THEMIS: variants seen among roughly 807,000 people sequenced by gnomAD.
THEMIS encodes the protein protein THEMIS.
Under a neutral mutation model 52.6 loss-of-function variants are expected in THEMIS, and 37 were observed. That is an observed-to-expected ratio of 0.70 (90% CI 0.54 to 0.93). The LOEUF (loss-of-function observed/expected upper bound fraction) is 0.93, where lower values mean the gene tolerates loss of function less well. Among genes scored for constraint, THEMIS ranks in the 40% least tolerant of loss-of-function variants. The pLI, the probability that THEMIS is intolerant of heterozygous loss-of-function variation, is 0.00. For missense variants in THEMIS, 808 were observed against 763.1 expected, an observed-to-expected ratio of 1.06 and a Z score of -0.69; for synonymous variants, 292 against 272.7, an observed-to-expected ratio of 1.07 and a Z score of -0.70.
At chr6:127,811,124 TTGAC>T (rs552930979) in intron 4 of THEMIS, among the ~76,000 whole-genome samples, 1 of 152,204 alleles carries the variant, frequency 6.6e-6, no homozygotes, top group Non-Finnish European at 1.5e-5. Context: ...GCATATAGAT[TTGAC>T]TGTCTATGGT....
chr6:127,897,862 G>A (rs752183350), intron 1 of THEMIS, among the ~76,000 whole-genome samples: 1 of 151,524 alleles, frequency 6.6e-6, no homozygotes, highest in Non-Finnish European at 1.5e-5. Flanking sequence ...GAAACTCCAA[G>A]CCAGAAATAA....
rs994944960 is a variant in THEMIS, at chr6:127,900,779, A to G, written c.91+63T>C. 7 of 1,453,372 alleles carry G rather than the reference A, an allele frequency of 4.8e-6. No individual in the cohort carries two copies. In the African/African-American group the frequency reaches 9.9e-5, roughly 20 times the overall value. The allele number at this position is 1,453,372 out of a possible 1,614,324, so 90.0% of individuals were successfully genotyped here. A position where few individuals can be genotyped will look rare whatever the true frequency, so the allele number is the denominator to read the frequency against. ...TTGCTGTTAAAATTCCCCCCCTCCA[A>G]TTTTCAAAAATGTATACTTTACAAG... On this transcript the variant is annotated intron_variant, in intron 1 of 5. Transcript: ENST00000368248.
intron 3 of THEMIS, among the ~76,000 whole-genome samples, chr6:127,820,047 G>A (rs1441363886): frequency 6.6e-6 from 1 of 152,064 alleles, no homozygotes; most frequent in Non-Finnish European, 1.5e-5. Context: ...TTCTTATAAG[G>A]TAACTGCAGT....
At chr6:127,832,777 C>CTTTTTTGTTTTTTTTTTTT (rs1778740409) in intron 2 of THEMIS, among the ~76,000 whole-genome samples, 1 of 57,796 alleles carries the variant, frequency 1.7e-5, no homozygotes, top group Non-Finnish European at 2.9e-5. Context: ...ATTGTCAGAT[C>CTTTTTTGTTTTTTTTTTTT]TTTTTTTTTT....
intron 1 of THEMIS, among the ~76,000 whole-genome samples, chr6:127,882,770 T>C (rs1174424182): frequency 6.6e-6 from 1 of 151,990 alleles, no homozygotes; most frequent in African/African-American, 2.4e-5. Context: ...ATTTAAAACC[T>C]GTGAAATATG....
chr6:127,864,097 G>C (rs1401990961), intron 1 of THEMIS, among the ~76,000 whole-genome samples: 2 of 151,998 alleles, frequency 1.3e-5, no homozygotes, highest in African/African-American at 4.8e-5. Flanking sequence ...GACAAGATAG[G>C]CTTTATTAAA....
intron 2 of THEMIS, among the ~76,000 whole-genome samples, chr6:127,844,736 A>C (rs192619632): frequency 6.6e-6 from 1 of 152,076 alleles, no homozygotes; most frequent in Admixed American, 6.6e-5. Context: ...GAAATTTGGA[A>C]CTTCACTATA....
At chr6:127,908,754 GC>G (rs1368025952) in intron 1 of THEMIS, among the ~76,000 whole-genome samples, 8 of 152,088 alleles carry the variant, frequency 5.3e-5, no homozygotes, top group African/African-American at 1.7e-4. Flanking sequence ...AAGCTTAACT[GC>G]AATATGTCTG....
intron 4 of THEMIS, among the ~76,000 whole-genome samples, chr6:127,777,094 T>C (rs1776590433): frequency 6.6e-6 from 1 of 152,026 alleles, no homozygotes; most frequent in Non-Finnish European, 1.5e-5. Flanking sequence ...GTATTTTTTA[T>C]TTACGTTGAA....
At chr6:127,780,095 A>G (rs1776694502) in intron 4 of THEMIS, among the ~76,000 whole-genome samples, 1 of 152,150 alleles carries the variant, frequency 6.6e-6, no homozygotes, top group Non-Finnish European at 1.5e-5. Context: ...TATTGGGTGC[A>G]TATATATTTA....
intron 5 of THEMIS, among the ~76,000 whole-genome samples, chr6:127,718,546 G>C (rs1774250594): frequency 6.6e-6 from 1 of 151,870 alleles, no homozygotes; most frequent in Non-Finnish European, 1.5e-5. Context: ...CAAAAACTTT[G>C]ATCTCAGGAA....
chr6:127,890,896 T>G (rs1288830598), intron 1 of THEMIS, among the ~76,000 whole-genome samples: 1 of 152,100 alleles, frequency 6.6e-6, no homozygotes, highest in African/African-American at 2.4e-5. Context: ...AATACATGTA[T>G]GGAAAGCGGC....
At chr6:127,734,343 G>T (rs1486184500) in intron 4 of THEMIS, among the ~76,000 whole-genome samples, 1 of 152,126 alleles carries the variant, frequency 6.6e-6, no homozygotes, top group East Asian at 1.9e-4. Context: ...CATGTGAAAT[G>T]ATATTTGTTT....
At chr6:127,871,074 G>A (rs528404385) in intron 1 of THEMIS, among the ~76,000 whole-genome samples, 21 of 152,030 alleles carry the variant, frequency 1.4e-4, no homozygotes, top group Non-Finnish European at 2.8e-4. Context: ...CATATGCTGA[G>A]ATATCCTGTG....
chr6:127,725,854 A>T (rs568761991), intron 4 of THEMIS, among the ~76,000 whole-genome samples: 1 of 152,144 alleles, frequency 6.6e-6, no homozygotes, highest in African/African-American at 2.4e-5. Flanking sequence ...TTGTTTACAG[A>T]GGGTTTGCTC....
intron 4 of THEMIS, among the ~76,000 whole-genome samples, chr6:127,805,020 T>C (rs1270547858): frequency 6.6e-6 from 1 of 152,150 alleles, no homozygotes; most frequent in Non-Finnish European, 1.5e-5. Context: ...CCTTTTTAAT[T>C]TTGTGTGCAC....
At chr6:127,898,603 C>T (rs1781042952) in intron 1 of THEMIS, among the ~76,000 whole-genome samples, 1 of 151,810 alleles carries the variant, frequency 6.6e-6, no homozygotes, top group African/African-American at 2.4e-5. Flanking sequence ...CACACACACA[C>T]ACACAAAAAT....
chr6:127,895,600 C>G (rs1780941062), intron 1 of THEMIS, among the ~76,000 whole-genome samples: 1 of 151,366 alleles, frequency 6.6e-6, no homozygotes, highest in Admixed American at 6.6e-5. Context: ...CATAAGAACT[C>G]TATAGAGACA....
chr6:127,767,134 C>A (rs937809410), intron 4 of THEMIS, among the ~76,000 whole-genome samples: 1 of 151,850 alleles, frequency 6.6e-6, no homozygotes, highest in African/African-American at 2.4e-5. Context: ...CTCTGTCACC[C>A]AGGCTGGAGT....
Sources: gnomAD v4.1 joint callset for allele counts (sites outside exome capture counted in the v4.1 genomes callset) on GRCh38, gnomAD v4.1.1 for gene constraint, MANE v1.5 for transcripts, NCBI Gene and HGNC (gene_info 2026-07-23, HGNC 2026-07-21) for gene names.